Variants in LMO7 observed in about 807,000 individuals in gnomAD.
The protein encoded by LMO7 is LIM domain only protein 7.
Under a neutral mutation model 206.5 loss-of-function variants are expected in LMO7, and 120 were observed. The observed-to-expected ratio is 0.58, with a 90% confidence interval of 0.50 to 0.68. LMO7 has a LOEUF of 0.68. Ranked by LOEUF, LMO7 falls within the 30% of genes least tolerant of loss-of-function variation. LMO7 has a pLI of 0.00. For synonymous variants in LMO7, 706 were observed against 681.5 expected (o/e 1.04, Z -0.56); for missense variants, 1,959 against 1,957.9 (o/e 1.00, Z -0.01).
At chr13:75,737,752 C>CA (rs374266925) in intron 3 of LMO7, among the ~76,000 whole-genome samples, 9 of 35,378 alleles carry the variant, frequency 2.5e-4, no homozygotes, top group South Asian at 1.1e-3. Flanking sequence ...GACTCCGTCT[C>CA]AAAAAAAAAA....
At chr13:75,699,622 GAGTGTA>G (rs146891265) in intron 1 of LMO7, among the ~76,000 whole-genome samples, 45,418 of 151,928 alleles carry the variant, frequency 0.3, 8,111 homozygotes, top group Middle Eastern at 0.45. Flanking sequence ...AAAGGGGAGG[GAGTGTA>G]CGAATAGGGC....
chr13:75,693,873 GT>G (rs2041692178), intron 1 of LMO7, among the ~76,000 whole-genome samples: 1 of 152,134 alleles, frequency 6.6e-6, no homozygotes, highest in Non-Finnish European at 1.5e-5. Flanking sequence ...CCATCTTGCT[GT>G]CTCTCATTGT....
At chr13:75,794,807 TAATACAGTG>T (rs1343404116) in intron 4 of LMO7, among the ~76,000 whole-genome samples, 2 of 152,196 alleles carry the variant, frequency 1.3e-5, no homozygotes, top group East Asian at 3.8e-4. Flanking sequence ...ATGATTCTTA[TAATACAGTG>T]AAGTTTCTTC....
chr13:75,801,423 C>T (rs1463582936), intron 7 of LMO7, among the ~76,000 whole-genome samples: 1 of 152,088 alleles, frequency 6.6e-6, no homozygotes, highest in Non-Finnish European at 1.5e-5. Flanking sequence ...GAGTAATATA[C>T]CACCACCTAA....
chr13:75,793,421 G>A (rs1033175874), intron 4 of LMO7, among the ~76,000 whole-genome samples: 3 of 151,910 alleles, frequency 2.0e-5, no homozygotes, highest in African/African-American at 4.8e-5. Context: ...GATTACAGGC[G>A]CCCACCACCA....
chr13:75,810,444 G>A (rs1184387713), intron 11 of LMO7, among the ~76,000 whole-genome samples: 1 of 152,102 alleles, frequency 6.6e-6, no homozygotes. Context: ...TGAGCCACAG[G>A]CAACAAATTG....
chr13:75,639,790 A>T (rs2036339534), intron 1 of LMO7, among the ~76,000 whole-genome samples: 1 of 152,238 alleles, frequency 6.6e-6, no homozygotes, highest in Non-Finnish European at 1.5e-5. Context: ...TGAGGTTCAA[A>T]TACAATAGTA....
chr13:75,799,029 C>T (rs1242833219), intron 6 of LMO7, among the ~76,000 whole-genome samples: 1 of 152,214 alleles, frequency 6.6e-6, no homozygotes, highest in Admixed American at 6.5e-5. Context: ...CAGCGCTAGG[C>T]CTGGCTTCCC....
intron 23 of LMO7, 25 bp from the exon 24 acceptor site, chr13:75,841,603 A>G (rs748162296): frequency 7.4e-6 from 11 of 1,477,790 alleles, no homozygotes; most frequent in Non-Finnish European, 9.3e-6. Flanking sequence ...ATTTAGATGG[A>G]TTTCTTTTTT....
At chr13:75,644,060 C>G (rs1344990806) in intron 1 of LMO7, among the ~76,000 whole-genome samples, 1 of 152,100 alleles carries the variant, frequency 6.6e-6, no homozygotes, top group Non-Finnish European at 1.5e-5. Flanking sequence ...ACTCAGTATT[C>G]TGAAGATCTT....
Position 75,800,623 on chromosome 13 carries a change from A to G in LMO7, c.463-61A>G, listed in dbSNP as rs918569936. 7.5e-6 allele frequency: 11 copies of G among 1,470,084 alleles called. No homozygotes were observed. The African/African-American group carries it at 1.3e-4, about 17-fold the overall frequency. The allele number at this position is 1,470,084 out of a possible 1,614,324, so 91.1% of individuals were successfully genotyped here. On this transcript the variant is annotated intron_variant, in intron 6 of 30. Transcript: ENST00000377534. Reference sequence around the variant, plus strand: ...TAGGCAAACAAGCAAGTAATAACCGATTGATTATATTTTTTGGAAGTTTAT... The same window carrying G: ...TAGGCAAACAAGCAAGTAATAACCGGTTGATTATATTTTTTGGAAGTTTAT...
chr13:75,747,936 C>T (rs1187698643), intron 3 of LMO7, among the ~76,000 whole-genome samples: 1 of 152,108 alleles, frequency 6.6e-6, no homozygotes, highest in Admixed American at 6.5e-5. Flanking sequence ...GAGGGATCCT[C>T]ATGTATAGGG....
At chr13:75,737,349 T>C (rs1566371125) in intron 3 of LMO7, among the ~76,000 whole-genome samples, 1 of 151,982 alleles carries the variant, frequency 6.6e-6, no homozygotes. Context: ...AGACAAAAAA[T>C]CTTTGTTGCC....
chr13:75,841,919 G>A lies in LMO7; in HGVS notation c.3967G>A (p.Glu1323Lys). The A allele has an allele frequency of 6.2e-7, 1 of 1,613,626 alleles. No individual in the cohort carries two copies. The highest frequency in any genetic ancestry group is 1.1e-5 in the South Asian group (1 of 91,062). ...GGCTGAGGAGCAGAAGCGTCCTGCG[G>A]AGGAGCAGAAGCGCCAGGCAGAGAT... ...AEAEEQKRPA[E>K]EQKRQAEIER... The change falls in exon 24 of 31, where the codon GAG becomes AAG. Residue 1323 changes from glutamate (E) to lysine (K), a missense_variant. Physicochemically the swap from Glu to Lys is moderately conservative, Grantham distance 56. Transcript: ENST00000377534.
chr13:75,776,184 T>TATATCGG (rs1566433978), intron 4 of LMO7, among the ~76,000 whole-genome samples: 1 of 88,516 alleles, frequency 1.1e-5, no homozygotes, highest in African/African-American at 3.7e-5. Context: ...TATATATATA[T>TATATCGG]ATATATATAT....
At chr13:75,733,234 G>T (rs2045447988) in intron 3 of LMO7, among the ~76,000 whole-genome samples, 1 of 152,252 alleles carries the variant, frequency 6.6e-6, no homozygotes, top group South Asian at 2.1e-4. Flanking sequence ...CAGAGGTGGA[G>T]CCTACAGAGG....
chr13:75,701,297 C>T (rs1441421974), intron 1 of LMO7, among the ~76,000 whole-genome samples: 1 of 152,120 alleles, frequency 6.6e-6, no homozygotes, highest in Non-Finnish European at 1.5e-5. Flanking sequence ...TTAATAATAC[C>T]AAACTTAAAC....
chr13:75,702,776 T>C (rs1311066131), intron 1 of LMO7, among the ~76,000 whole-genome samples: 1 of 152,230 alleles, frequency 6.6e-6, no homozygotes, highest in Admixed American at 6.5e-5. Flanking sequence ...ATGTCAGGTA[T>C]GTATATAGCA....
In LMO7 at chr13:75,804,376, T is replaced by C. The variant is rs769948700; in HGVS notation, c.749T>C (p.Val250Ala). The change falls in exon 8 of 31, where the codon GTT becomes GCT. Residue 250 changes from valine (V) to alanine (A), a missense_variant. By Grantham distance (64) the Val-to-Ala change is moderately conservative. Coordinates refer to ENST00000377534, the MANE Select transcript of LMO7 (RefSeq NM_001306080.2). ...ATGTCGTATCGAAGGATTTCGGCTG[T>C]TGAGCCAAAGACTGCGTTACCCTTC... Reference protein sequence around the residue: ...DDMSYRRISAVEPKTALPFNR... With the variant: ...DDMSYRRISAAEPKTALPFNR... 1.9e-6 allele frequency: 3 copies of C among 1,614,054 alleles called. No individual in the cohort carries two copies. The African/African-American group carries it at 4.0e-5, about 22-fold the overall frequency.
Sources: allele counts gnomAD v4.1 joint callset (sites outside exome capture counted in the v4.1 genomes callset), GRCh38; gene constraint gnomAD v4.1.1; transcripts MANE v1.5; gene names NCBI Gene and HGNC (gene_info 2026-07-23, HGNC 2026-07-21).